The following BANK1 variants were observed in gnomAD, a reference collection of about 807,000 sequenced individuals.
BANK1 encodes the protein B cell scaffold protein with ankyrin repeats 1.
BANK1 carries 95 observed loss-of-function variants against 94.5 expected under a neutral mutation model. That is an observed-to-expected ratio of 1.00 (90% CI 0.85 to 1.19). The LOEUF (loss-of-function observed/expected upper bound fraction) is 1.19. BANK1 is among the 50% of genes most tolerant of loss of function. The pLI is 0.00. For missense variants in BANK1, 987 were observed against 932.2 expected, an observed-to-expected ratio of 1.06 and a Z score of -0.77; for synonymous variants, 334 against 308.4, an observed-to-expected ratio of 1.08 and a Z score of -0.87.
intron 7 of BANK1, among the ~76,000 whole-genome samples, chr4:101,987,331 T>C (rs1303898112): frequency 1.3e-5 from 2 of 152,130 alleles, no homozygotes; most frequent in African/African-American, 2.4e-5. Flanking sequence ...GAGGTGGACA[T>C]TAATACTATA....
chr4:101,951,438 A>T (rs2148914764), intron 7 of BANK1, among the ~76,000 whole-genome samples: 1 of 152,250 alleles, frequency 6.6e-6, no homozygotes, highest in South Asian at 2.1e-4. Flanking sequence ...ACCAGTTTAC[A>T]GGGAAAAGTT....
intron 3 of BANK1, among the ~76,000 whole-genome samples, chr4:101,856,548 TCAA>T (rs1727687353): frequency 1.3e-5 from 2 of 152,146 alleles, no homozygotes; most frequent in African/African-American, 4.8e-5. Context: ...TAAAAGTAGC[TCAA>T]CAGGAGTTAT....
chr4:102,001,941 A>G (rs1012036066), intron 7 of BANK1, among the ~76,000 whole-genome samples: 1 of 152,206 alleles, frequency 6.6e-6, no homozygotes, highest in South Asian at 2.1e-4. Context: ...TGGTAAAACC[A>G]AGATAGGAAC....
At chr4:102,012,837 A>G (rs557879567) in intron 7 of BANK1, among the ~76,000 whole-genome samples, 5 of 152,254 alleles carry the variant, frequency 3.3e-5, no homozygotes, top group African/African-American at 1.2e-4. Context: ...AAAGAACAAA[A>G]AAAAAATTGC....
intron 10 of BANK1, among the ~76,000 whole-genome samples, chr4:102,030,771 A>T (rs183140257): frequency 6.6e-6 from 1 of 152,174 alleles, no homozygotes; most frequent in Non-Finnish European, 1.5e-5. Context: ...ACATGAACTC[A>T]TCCTTTTTTA....
intron 7 of BANK1, among the ~76,000 whole-genome samples, chr4:101,933,505 G>A (rs1723427632): frequency 6.6e-6 from 1 of 151,500 alleles, no homozygotes; most frequent in East Asian, 2.0e-4. Flanking sequence ...TTCCAGGGCA[G>A]TGGTTCTCAC....
rs571992688 is a variant in BANK1, at chr4:101,906,672, C to A, written c.1009+11262C>A. On this transcript the variant is annotated intron_variant, in intron 6 of 16. Coordinates refer to ENST00000322953, the MANE Select transcript of BANK1 (RefSeq NM_017935.5). The stretch of plus-strand genomic sequence containing the variant: ...CCTCATCATCAGTGTGAAAAAGTTC[C>A]AAAGTGAAACGAACCAGACCCCACA... Among the ~76,000 whole-genome samples the A allele has an allele frequency of 3.3e-5, 5 of 152,244 alleles. No homozygotes were observed. In the South Asian group the frequency reaches 1.0e-3, roughly 32 times the overall value.
At chr4:101,794,646 C>A (rs77613358) in intron 1 of BANK1, among the ~76,000 whole-genome samples, 1 of 151,408 alleles carries the variant, frequency 6.6e-6, no homozygotes, top group Non-Finnish European at 1.5e-5. Context: ...GAAATAGTCC[C>A]AGTGGTGGAA....
At chr4:101,934,640 C>G (rs1723467515) in intron 7 of BANK1, among the ~76,000 whole-genome samples, 1 of 151,406 alleles carries the variant, frequency 6.6e-6, no homozygotes, top group African/African-American at 2.4e-5. Flanking sequence ...AACCTTATGA[C>G]CATAGCTGGA....
intron 2 of BANK1, among the ~76,000 whole-genome samples, chr4:101,840,518 T>C (rs1028685941): frequency 2.0e-5 from 3 of 152,064 alleles, no homozygotes. Context: ...AAGAAGCACC[T>C]GGCCCACTCA....
At chr4:101,955,774 A>G (rs1343441184) in intron 7 of BANK1, among the ~76,000 whole-genome samples, 1 of 152,202 alleles carries the variant, frequency 6.6e-6, no homozygotes, top group Non-Finnish European at 1.5e-5. Context: ...AATTTGTTTC[A>G]TAGTAACTTA....
chr4:101,969,724 T>C (rs1258967433), intron 7 of BANK1, among the ~76,000 whole-genome samples: 2 of 152,056 alleles, frequency 1.3e-5, no homozygotes, highest in Non-Finnish European at 2.9e-5. Flanking sequence ...ATGAATGAAA[T>C]GGACACCCTA....
intron 1 of BANK1, among the ~76,000 whole-genome samples, chr4:101,792,474 T>A: frequency 6.8e-6 from 1 of 148,122 alleles, no homozygotes; most frequent in Non-Finnish European, 1.5e-5. Context: ...TGTGTGTTTT[T>A]TTTTTTTTAA....
At chr4:101,934,478 G>A (rs576628239) in intron 7 of BANK1, among the ~76,000 whole-genome samples, 9 of 151,560 alleles carry the variant, frequency 5.9e-5, no homozygotes, top group African/African-American at 2.2e-4. Flanking sequence ...AAAATTATGA[G>A]CAGTGAGAGC....
intron 7 of BANK1, among the ~76,000 whole-genome samples, chr4:101,927,876 A>G (rs1340543552): frequency 2.0e-5 from 3 of 151,624 alleles, no homozygotes; most frequent in Non-Finnish European, 4.4e-5. Flanking sequence ...CAACAGAAAA[A>G]GCCAACAACG....
intron 1 of BANK1, among the ~76,000 whole-genome samples, chr4:101,816,146 C>CATTTGTT (rs1401521587): frequency 2.0e-5 from 3 of 152,146 alleles, no homozygotes; most frequent in Admixed American, 1.3e-4. Context: ...TTTCAGTGGG[C>CATTTGTT]ATTTGTTGAT....
At chr4:101,983,437 T>G (rs1020126339) in intron 7 of BANK1, among the ~76,000 whole-genome samples, 12 of 152,050 alleles carry the variant, frequency 7.9e-5, no homozygotes, top group Non-Finnish European at 1.5e-4. Context: ...GCTCCTTAAT[T>G]TCCTCATCCA....
At chr4:101,912,340 A>G (rs979004856) in intron 6 of BANK1, among the ~76,000 whole-genome samples, 2 of 151,742 alleles carry the variant, frequency 1.3e-5, no homozygotes, top group African/African-American at 4.8e-5. Context: ...AGGTTTGAAA[A>G]CTCACATTAC....
chr4:102,037,465 T>G (rs1727546909), intron 10 of BANK1, among the ~76,000 whole-genome samples: 1 of 152,222 alleles, frequency 6.6e-6, no homozygotes, highest in Non-Finnish European at 1.5e-5. Context: ...TTAGATTTCT[T>G]GAATTCAGAA....
Sources: gnomAD v4.1 joint callset for allele counts (sites outside exome capture counted in the v4.1 genomes callset) on GRCh38, gnomAD v4.1.1 for gene constraint, MANE v1.5 for transcripts, NCBI Gene and HGNC (gene_info 2026-07-23, HGNC 2026-07-21) for gene names.